Variants in GRHL3 observed in about 807,000 individuals in gnomAD.
GRHL3 encodes grainyhead-like protein 3 homolog.
GRHL3 carries 20 observed loss-of-function variants against 70.3 expected under a neutral mutation model. The ratio of observed to expected loss-of-function variants is 0.28; its 90% CI spans 0.20 to 0.41. The LOEUF is 0.41. Ranked by LOEUF, GRHL3 falls within the 10% of genes least tolerant of loss-of-function variation. The probability of loss-of-function intolerance (pLI) is 1.00; values close to 1 mark genes in which losing one functional copy is unlikely to be tolerated. For synonymous variants in GRHL3, 299 were observed against 299.9 expected (o/e 1.00, Z 0.03); for missense variants, 637 against 762.3 (o/e 0.84, Z 1.94).
chr1:24,364,197 C>T, exon 16 of GRHL3: 2 of 1,515,902 alleles, frequency 1.3e-6, no homozygotes, highest in Admixed American at 2.3e-5. Flanking sequence ...AAACTTCTCT[C>T]CTCCACCCAC....
At chr1:24,348,061 C>T (rs1352996153) in intron 14 of GRHL3, among the ~76,000 whole-genome samples, 8 of 152,190 alleles carry the variant, frequency 5.3e-5, no homozygotes, top group Admixed American at 5.2e-4. Flanking sequence ...AAACCCATAG[C>T]CAGCTTTGTG....
chr1:24,328,162 G>C (rs1463717511), intron 1 of GRHL3, among the ~76,000 whole-genome samples: 3 of 152,196 alleles, frequency 2.0e-5, no homozygotes, highest in Non-Finnish European at 4.4e-5. Context: ...AATAGGAAAG[G>C]CATCTAGAAA....
chr1:24,319,902 C>A, intron 1 of GRHL3: 1 of 416,882 alleles, frequency 2.4e-6, no homozygotes, highest in Non-Finnish European at 4.3e-6. Context: ...CCAATCCCAT[C>A]GAGGCTTTCT....
Position 24,346,590 on chromosome 1 carries a change from G to T in GRHL3, c.1492G>T (p.Glu498Ter). 1 of 1,613,366 alleles carries T rather than the reference G, an allele frequency of 6.2e-7. No homozygotes were observed. Among genetic ancestry groups the T allele is most frequent in the Non-Finnish European group, 8.5e-7 (1 of 1,179,682 alleles). ...GCGTACCTGCTCGCCCTTCACTGAG[G>T]AGTTTGAGCCTCTGCCCTCCAAGCA... ...LKRTCSPFTEEFEPLPSKQAK... is the reference protein window; with the variant it reads ...LKRTCSPFTE Residue 498 changes from glutamate (E) to a stop codon, truncating the protein, a stop_gained, in exon 13 of 16, where the codon GAG (glutamate) becomes TAG (stop). Transcript: ENST00000361548. LOFTEE classifies it high-confidence loss of function.
At chr1:24,362,556 G>GT (rs1259691474) in intron 15 of GRHL3, among the ~76,000 whole-genome samples, 6 of 152,230 alleles carry the variant, frequency 3.9e-5, no homozygotes, top group Admixed American at 1.3e-4. Flanking sequence ...CAGAGAAAAG[G>GT]TATGTAAAGC....
chr1:24,361,026 C>G (rs1167539333), intron 15 of GRHL3: 3 of 1,609,150 alleles, frequency 1.9e-6, no homozygotes, highest in South Asian at 1.1e-5. Flanking sequence ...CAGAGAAGTT[C>G]AGGATGGGGT....
At chr1:24,343,501 A>G (rs909358895) in intron 11 of GRHL3, among the ~76,000 whole-genome samples, 2 of 152,202 alleles carry the variant, frequency 1.3e-5, no homozygotes, top group African/African-American at 4.8e-5. Flanking sequence ...GAGATTGCAC[A>G]GCTAGTAAGT....
rs1639180629 is a variant in GRHL3 at position 24,321,410 on chromosome 1, G to C, written c.17+1842G>C. On this transcript the variant is annotated intron_variant, in intron 1 of 15. Coordinates refer to ENST00000361548, the MANE Select transcript of GRHL3 (RefSeq NM_198173.3). The surrounding 1 kb of genome is among the most constrained non-coding windows in gnomAD (Gnocchi z 4.0). ...TACTGGTAAGGGGAGGGCACCCGGC[G>C]CTTGGCTTGCAAGTTCTGAGCTGCT... Among the ~76,000 whole-genome samples the C allele has an allele frequency of 6.6e-6, 1 of 152,322 alleles. No individual in the cohort carries two copies. Among genetic ancestry groups the C allele is most frequent in the East Asian group, 1.9e-4 (1 of 5,178 alleles).
intron 1 of GRHL3, among the ~76,000 whole-genome samples, chr1:24,325,054 A>G (rs888550195): frequency 6.8e-6 from 1 of 147,906 alleles, no homozygotes; most frequent in African/African-American, 2.6e-5. Context: ...TTCCTCTGTG[A>G]GCAGTTGTGT....
intron 15 of GRHL3, among the ~76,000 whole-genome samples, chr1:24,363,372 G>C (rs1641247816): frequency 6.6e-6 from 1 of 152,198 alleles, no homozygotes; most frequent in Non-Finnish European, 1.5e-5. Flanking sequence ...TGGGAATCCA[G>C]GCAGTTCTGT....
chr1:24,336,963 CTATT>C, intron 4 of GRHL3, 111 bp from the exon 5 acceptor site: 2 of 1,239,832 alleles, frequency 1.6e-6, no homozygotes, highest in South Asian at 2.6e-5. Flanking sequence ...TTGCCATGTA[CTATT>C]GTCCAAGTTG....
chr1:24,338,088 C>A lies in GRHL3; in HGVS notation c.937C>A (p.Arg313=). ...WHSRQPTAKQ[R]VIDVADCKEN... ...TTCCCGGCAACCCACTGCCAAGCAGCGGGTCATTGACGTGGGTGAGAGCCT... is the reference window on the plus strand; with the variant it reads ...TTCCCGGCAACCCACTGCCAAGCAGAGGGTCATTGACGTGGGTGAGAGCCT... Residue 313 remains arginine (R), a synonymous_variant, in exon 7 of 16, where the codon CGG becomes AGG. Transcript: ENST00000361548. 2 of 1,608,132 alleles carry A rather than the reference C, an allele frequency of 1.2e-6. No homozygotes were observed. Among genetic ancestry groups the A allele is most frequent in the South Asian group, 1.1e-5 (1 of 90,166 alleles).
chr1:24,358,466 C>A, downstream of GRHL3: 1 of 1,245,218 alleles, frequency 8.0e-7, no homozygotes, highest in South Asian at 1.2e-5. Context: ...TGATCGGTCT[C>A]CTCCTGAGGA....
chr1:24,340,729 C>A (rs1450634513), intron 8 of GRHL3, among the ~76,000 whole-genome samples: 1 of 152,184 alleles, frequency 6.6e-6, no homozygotes, highest in East Asian at 1.9e-4. Context: ...GCCAGGCTGC[C>A]TGGAGAAGAT....
chr1:24,332,035 C>T (rs1010137549), intron 2 of GRHL3, among the ~76,000 whole-genome samples: 3 of 152,190 alleles, frequency 2.0e-5, no homozygotes, highest in Admixed American at 6.5e-5. Context: ...GTGGACAGTG[C>T]CTGACCCACT....
intron 1 of GRHL3, chr1:24,323,056 TGTTAAGAGTG>T: frequency 1.3e-6 from 2 of 1,549,048 alleles, no homozygotes; most frequent in South Asian, 2.4e-5. Flanking sequence ...TGTGCCAAAC[TGTTAAGAGTG>T]GTTATTTCTG....
At position 24,339,682 on chromosome 1, in the gene GRHL3, A is replaced by G; in HGVS notation, c.967A>G (p.Asn323Asp). The G allele has an allele frequency of 6.2e-7, 1 of 1,611,424 alleles. No individual in the cohort carries two copies. Among genetic ancestry groups the G allele is most frequent in the Non-Finnish European group, 8.5e-7 (1 of 1,178,192 alleles). Reference protein sequence around the residue: ...RVIDVADCKENFNTVEHIEEV... With the variant: ...RVIDVADCKEDFNTVEHIEEV... ...TGTGGTTTCAGCTGACTGCAAAGAA[A>G]ACTTCAACACTGTGGAGCACATTGA... is the stretch of plus-strand genomic sequence containing the variant. Residue 323 changes from asparagine to aspartate, a missense_variant, in exon 8 of 16, where the codon AAC (asparagine) becomes GAC (aspartate). Physicochemically the swap from Asn to Asp is conservative, Grantham distance 23 (BLOSUM62 1). Around this residue, in one of 2 missense-constraint regions of GRHL3, gnomAD observed 387 missense variants for 513.8 expected, o/e 0.75. Coordinates refer to ENST00000361548, the MANE Select transcript of GRHL3 (RefSeq NM_198173.3).
intron 1 of GRHL3, among the ~76,000 whole-genome samples, chr1:24,320,777 A>C (rs542167476): frequency 1.3e-5 from 2 of 152,314 alleles, no homozygotes; most frequent in Non-Finnish European, 2.9e-5. Flanking sequence ...CAATGTATTG[A>C]CAATTGGACC....
intron 15 of GRHL3, among the ~76,000 whole-genome samples, chr1:24,353,705 G>A (rs1640604831): frequency 1.3e-5 from 2 of 152,158 alleles, no homozygotes; most frequent in South Asian, 2.1e-4. Flanking sequence ...TTCATCAGGA[G>A]CAGCTTCTAG....
Sources: allele counts gnomAD v4.1 joint callset (sites outside exome capture counted in the v4.1 genomes callset), GRCh38; gene constraint gnomAD v4.1.1; regional missense constraint gnomAD v4.1.1; non-coding constraint Gnocchi (gnomAD v3.1); transcripts MANE v1.5; gene names NCBI Gene and HGNC (gene_info 2026-07-23, HGNC 2026-07-21).